NUP214: variants seen among roughly 807,000 people sequenced by gnomAD.
NUP214 encodes nucleoporin 214.
In NUP214, 79 loss-of-function variants were observed where a neutral mutation model predicts 196.2. That is an observed-to-expected ratio of 0.40 (90% confidence interval 0.34 to 0.49). NUP214 has a LOEUF of 0.49. Ranked by LOEUF, NUP214 falls within the 20% of genes least tolerant of loss-of-function variation. NUP214 has a pLI of 0.58. For synonymous variants in NUP214, 1,020 were observed against 990.5 expected, an observed-to-expected ratio of 1.03 and a Z score of -0.56; for missense variants, 2,468 against 2,539.0, an observed-to-expected ratio of 0.97 and a Z score of 0.60.
rs1383624595 is a variant in NUP214, at chr9:131,164,138, G to C, written c.2887G>C (p.Ala963Pro). The change falls in exon 21 of 36, where the codon GCT (alanine) becomes CCT (proline). Residue 963 changes from alanine to proline, a missense_variant. Physicochemically the swap from Ala to Pro is conservative, Grantham distance 27. This residue lies in a region of NUP214 where 1,801 missense variants were observed against 1,779.4 expected (regional missense o/e 1.01). Coordinates refer to ENST00000359428, the MANE Select transcript of NUP214 (RefSeq NM_005085.4). ...GAAGACCCCACCAGTGAGATCCACT[G>C]CTCCAGGTAAAGAGAACCAGTAACT... ...KRKTPPVRST[A>P]PASLSRSAFL... is the part of the protein sequence containing the mutation. 1 of 1,613,962 alleles carries C rather than the reference G, an allele frequency of 6.2e-7. No homozygotes were observed. Among genetic ancestry groups the C allele is most frequent in the Non-Finnish European group, 8.5e-7 (1 of 1,179,988 alleles).
chr9:131,164,044 T>C lies in NUP214; in HGVS notation c.2810-17T>C. Reference sequence around the variant, plus strand: ...AACTGAGTCTTAATCATTTATGGGTTTATGGATTTCTTGCAGCCAAACTGT... The same window carrying C: ...AACTGAGTCTTAATCATTTATGGGTCTATGGATTTCTTGCAGCCAAACTGT... On this transcript the variant is annotated splice_polypyrimidine_tract_variant and intron_variant, in intron 20 of 35. Transcript: ENST00000359428. 6.2e-7 allele frequency: 1 copy of C among 1,614,096 alleles called. No homozygotes were observed. Among genetic ancestry groups the C allele is most frequent in the African/African-American group, 1.3e-5 (1 of 75,026 alleles).
intron 24 of NUP214, among the ~76,000 whole-genome samples, chr9:131,180,451 C>T (rs943635320): frequency 6.6e-6 from 1 of 152,158 alleles, no homozygotes; most frequent in Non-Finnish European, 1.5e-5. Context: ...TTTCAGCCAG[C>T]TCTCGTGGAA....
At chr9:131,231,023 A>G (rs780260065) in intron 34 of NUP214, among the ~76,000 whole-genome samples, 3 of 152,108 alleles carry the variant, frequency 2.0e-5, no homozygotes, top group Non-Finnish European at 4.4e-5. Flanking sequence ...TTCGCCAGAC[A>G]TGGTGGCACA....
chr9:131,149,969 C>T (rs1832207257), intron 14 of NUP214: 1 of 164,658 alleles, frequency 6.1e-6, no homozygotes, highest in South Asian at 1.6e-4. Context: ...TGGCAGCCCG[C>T]AGTGAGGGCT....
chr9:131,132,882 C>A (rs561518624), intron 6 of NUP214: 1 of 619,528 alleles, frequency 1.6e-6, no homozygotes, highest in Non-Finnish European at 2.8e-6. Context: ...CTTTTTATTA[C>A]AATTCTTCAT....
At chr9:131,182,349 G>A (rs1029584183) in intron 24 of NUP214, among the ~76,000 whole-genome samples, 2 of 152,260 alleles carry the variant, frequency 1.3e-5, no homozygotes, top group African/African-American at 4.8e-5. Flanking sequence ...CGGCAGGCAA[G>A]TGAGCATTAC....
At chr9:131,203,985 C>G (rs1834009072) in intron 30 of NUP214, among the ~76,000 whole-genome samples, 5 of 152,224 alleles carry the variant, frequency 3.3e-5, no homozygotes. Context: ...CAGCCCCTGA[C>G]TAGACTGATA....
Position 131,192,193 on chromosome 9 carries a change from T to TTTTC in NUP214, c.3575-13_3575-12insTCTT. ...TCTTTTTTTTTTTTTTTTTTTTTTT[T>TTTTC]TTCCATAATTTCAGGGACAGCCAAG... is the stretch of plus-strand genomic sequence containing the variant. On this transcript the variant is annotated splice_polypyrimidine_tract_variant and intron_variant, in intron 26 of 35. Transcript: ENST00000359428. 7.9e-7 allele frequency: 1 copy of TTTTC among 1,263,402 alleles called. No homozygotes were observed. The highest frequency in any genetic ancestry group is 2.5e-5 in the East Asian group (1 of 40,508). 78.3% of individuals were successfully genotyped at this position (1,263,402 alleles called of 1,614,324 possible).
In NUP214 at chr9:131,164,124, C is replaced by T. The variant is rs1164510424; in HGVS notation, c.2873C>T (p.Pro958Leu). ...TTCTTGGCCAAGAGGAAGACCCCAC[C>T]AGTGAGATCCACTGCTCCAGGTAAA... is the stretch of plus-strand genomic sequence containing the variant. The part of the protein sequence containing the change: ...RNFLAKRKTP[P>L]VRSTAPASLS... Residue 958 changes from proline (P) to leucine (L), a missense_variant, in exon 21 of 36, where the codon CCA (proline) becomes CTA (leucine). Transcript: ENST00000359428. The T allele has an allele frequency of 6.2e-7, 1 of 1,614,068 alleles. No individual in the cohort carries two copies. The highest frequency in any genetic ancestry group is 2.2e-5 in the East Asian group (1 of 44,876).
At chr9:131,202,413 T>A (rs1833965034) in intron 30 of NUP214, among the ~76,000 whole-genome samples, 2 of 151,864 alleles carry the variant, frequency 1.3e-5, no homozygotes, top group South Asian at 4.2e-4. Flanking sequence ...ATATATATAT[T>A]TTTGTTTGTT....
chr9:131,209,600 G>A (rs1455912567), intron 30 of NUP214, among the ~76,000 whole-genome samples: 1 of 152,008 alleles, frequency 6.6e-6, no homozygotes, highest in Non-Finnish European at 1.5e-5. Context: ...CACCATGTTG[G>A]CCAGGCTGGT....
chr9:131,228,491 A>T, intron 33 of NUP214, 160 bp downstream of exon 33: 2 of 622,734 alleles, frequency 3.2e-6, no homozygotes, highest in Non-Finnish European at 5.1e-6. Context: ...TCTCCAGGGT[A>T]AGACTCATTT....
At chr9:131,188,930 A>T in intron 25 of NUP214, 123 bp from the exon 26 acceptor site, 1 of 698,624 alleles carries the variant, frequency 1.4e-6, no homozygotes, top group Non-Finnish European at 2.4e-6. Flanking sequence ...TTGGTAATTT[A>T]TCTAAAAGTA....
rs574428665 is a variant in NUP214, at chr9:131,150,432, G to A, written c.2127+22G>A. 5.6e-6 allele frequency: 9 copies of A among 1,612,764 alleles called. No individual in the cohort carries two copies. In the South Asian group the frequency reaches 9.9e-5, roughly 18 times the overall value. On this transcript the variant is annotated intron_variant, in intron 15 of 35. Coordinates refer to ENST00000359428, the MANE Select transcript of NUP214 (RefSeq NM_005085.4). The stretch of plus-strand genomic sequence containing the variant: ...GGAGGTAAATTTGTTTCCTGAGGGT[G>A]TTTTTCTGAAAGTAGCTGACAGACT...
intron 34 of NUP214, among the ~76,000 whole-genome samples, chr9:131,231,288 G>C (rs1280530787): frequency 6.6e-6 from 1 of 152,124 alleles, no homozygotes; most frequent in Non-Finnish European, 1.5e-5. Flanking sequence ...CGCCTCCCGG[G>C]TTCACGCCAT....
Position 131,197,226 on chromosome 9 carries a change from C to T in NUP214, c.3732C>T (p.Pro1244=), listed in dbSNP as rs1475629296. ...SNFTAAQGAT[P]STKESSQPDA... is the part of the protein sequence containing the mutation. ...TCTTTTTCTTGCTAGGGGCAACACC[C>T]TCCACTAAAGAGTCAAGCCAGCCGG... is the stretch of plus-strand genomic sequence containing the variant. The change falls in exon 29 of 36, where the codon CCC becomes CCT. Residue 1244 remains proline (P), a synonymous_variant. Transcript: ENST00000359428. 1.7e-5 allele frequency: 28 copies of T among 1,613,796 alleles called. No individual in the cohort carries two copies. Among genetic ancestry groups the T allele is most frequent in the Non-Finnish European group, 2.3e-5 (27 of 1,179,812 alleles).
At chr9:131,213,014 T>C (rs938948590) in intron 30 of NUP214, among the ~76,000 whole-genome samples, 1 of 152,200 alleles carries the variant, frequency 6.6e-6, no homozygotes, top group African/African-American at 2.4e-5. Context: ...AGATTTTCCA[T>C]AATTTTATGT....
At chr9:131,226,725 A>G (rs1239368188) in intron 32 of NUP214, among the ~76,000 whole-genome samples, 1 of 152,174 alleles carries the variant, frequency 6.6e-6, no homozygotes, top group Non-Finnish European at 1.5e-5. Flanking sequence ...TAACCCAAAC[A>G]CGAGCCTTAG....
rs543613438 is a variant in NUP214 at position 131,216,518 on chromosome 9, G to A, written c.5749+1150G>A. 3.0e-5 allele frequency among the ~76,000 whole-genome samples: 4 copies of A among 131,910 alleles called. No homozygotes were observed. In the South Asian group the frequency reaches 7.3e-4, roughly 24 times the overall value. The allele number at this position is 131,910 out of a possible 152,430, so 86.5% of individuals were successfully genotyped here. On this transcript the variant is annotated intron_variant, in intron 31 of 35. Coordinates refer to ENST00000359428, the MANE Select transcript of NUP214 (RefSeq NM_005085.4). ...TGGGATTACAGGCGTGAACCACCACGCCCAGGCTTTTTTTTTTTTTTTCCT... is the reference window on the plus strand; with the variant it reads ...TGGGATTACAGGCGTGAACCACCACACCCAGGCTTTTTTTTTTTTTTTCCT...
Sources: gnomAD v4.1 joint callset for allele counts (sites outside exome capture counted in the v4.1 genomes callset) on GRCh38, gnomAD v4.1.1 for gene constraint, gnomAD v4.1.1 regional missense constraint, MANE v1.5 for transcripts, NCBI Gene and HGNC (gene_info 2026-07-23, HGNC 2026-07-21) for gene names.